STK17B: variants seen among roughly 807,000 people sequenced by gnomAD.
STK17B encodes the protein serine/threonine kinase 17b, also known as serine/threonine-protein kinase 17B.
In STK17B, 21 loss-of-function variants were observed where a neutral mutation model predicts 42.0. The observed-to-expected ratio is 0.50, with a 90% confidence interval of 0.35 to 0.72. STK17B has a LOEUF of 0.72. STK17B is among the 30% of genes least tolerant of loss of function. STK17B has a pLI of 0.00. For synonymous variants in STK17B, 143 were observed against 148.4 expected, an observed-to-expected ratio of 0.96 and a Z score of 0.26; for missense variants, 349 against 446.0, an observed-to-expected ratio of 0.78 and a Z score of 1.96.
intron 3 of STK17B, chr2:196,151,539 G>A (rs1699666471): frequency 6.6e-6 from 1 of 152,202 alleles, no homozygotes; most frequent in African/African-American, 2.4e-5. Context: ...CCAAAGGTAA[G>A]TATTTTTTAT....
intron 2 of STK17B, among the ~76,000 whole-genome samples, chr2:196,160,997 GAA>G (rs550007668): frequency 1.9e-4 from 29 of 152,142 alleles, no homozygotes; most frequent in Middle Eastern, 3.4e-3. Flanking sequence ...CCCCAATTTT[GAA>G]AAGTTAATTT....
At chr2:196,150,409 G>C (rs1269451271) in intron 3 of STK17B, among the ~76,000 whole-genome samples, 1 of 152,114 alleles carries the variant, frequency 6.6e-6, no homozygotes, top group Non-Finnish European at 1.5e-5. Context: ...GTGAGAATAC[G>C]TGATAAGAGT....
At chr2:196,160,472 G>A (rs972722320) in intron 2 of STK17B, among the ~76,000 whole-genome samples, 2 of 152,146 alleles carry the variant, frequency 1.3e-5, no homozygotes, top group Admixed American at 6.5e-5. Context: ...AAAGGAAAAT[G>A]AATTATTAAA....
At chr2:196,150,179 TAAAAAA>T (rs143244008) in intron 3 of STK17B, among the ~76,000 whole-genome samples, 2 of 113,510 alleles carry the variant, frequency 1.8e-5, no homozygotes, top group Admixed American at 8.8e-5. Context: ...GAGCAGTGAC[TAAAAAA>T]AAAAAAAAAA....
Position 196,137,687 on chromosome 2 carries a change from T to C in STK17B, c.879A>G (p.Leu293=). The part of the protein sequence containing the change: ...TAEICLSHSW[L]QQWDFENLFH... Reference sequence around the variant, plus strand: ...ACAAGTTTTCAAAGTCCCACTGCTGTAGCCAAGAATGAGAAAGGCATATCT... The same window carrying C: ...ACAAGTTTTCAAAGTCCCACTGCTGCAGCCAAGAATGAGAAAGGCATATCT... The change falls in exon 8 of 8, where the codon CTA becomes CTG. Residue 293 remains leucine, a synonymous_variant. Transcript: ENST00000263955. The C allele has an allele frequency of 6.2e-7, 1 of 1,614,068 alleles. No homozygotes were observed. The highest frequency in any genetic ancestry group is 8.5e-7 in the Non-Finnish European group (1 of 1,179,976).
chr2:196,145,396 T>C (rs1038367270), intron 4 of STK17B, among the ~76,000 whole-genome samples: 2 of 151,980 alleles, frequency 1.3e-5, no homozygotes, highest in South Asian at 4.1e-4. Context: ...GGAGAAAGGA[T>C]AACAACATGA....
intron 1 of STK17B, among the ~76,000 whole-genome samples, chr2:196,168,040 G>A (rs2105716034): frequency 6.6e-6 from 1 of 152,164 alleles, no homozygotes; most frequent in Admixed American, 6.5e-5. Flanking sequence ...AGATGGAAAT[G>A]ATGATGATTT....
At chr2:196,146,504 C>CA (rs34266627) in intron 3 of STK17B, among the ~76,000 whole-genome samples, 2,585 of 150,066 alleles carry the variant, frequency 0.017, 31 homozygotes, top group Middle Eastern at 0.034. Flanking sequence ...ACTCCGTCCC[C>CA]AAAAAAAAGA....
intron 3 of STK17B, among the ~76,000 whole-genome samples, chr2:196,148,374 C>T (rs937176078): frequency 5.9e-5 from 9 of 152,162 alleles, no homozygotes; most frequent in South Asian, 2.1e-4. Flanking sequence ...TGATACAAAT[C>T]GTCTCAAAAC....
intron 3 of STK17B, among the ~76,000 whole-genome samples, chr2:196,147,734 A>AT (rs200152797): frequency 0.67 from 97,321 of 145,258 alleles, 32,767 homozygotes; most frequent in Non-Finnish European, 0.74. Flanking sequence ...GAGACATAAT[A>AT]TATTTTTTTT....
rs1348546526 is a variant in STK17B, at chr2:196,137,625, T to G, written c.941A>C (p.Gln314Pro). Residue 314 changes from glutamine (Q) to proline (P), a missense_variant, in exon 8 of 8, where the codon CAG becomes CCG. Coordinates refer to ENST00000263955, the MANE Select transcript of STK17B (RefSeq NM_004226.4). Reference protein sequence around the residue: ...PEETSSSSQTQDHSVRSSEDK... With the variant: ...PEETSSSSQTPDHSVRSSEDK... ...TTCAGAGGACCTTACAGAATGATCC[T>G]GAGTTTGAGAGGAACTGGAAGTTTC... is the stretch of plus-strand genomic sequence containing the variant. 1 of 1,614,118 alleles carries G rather than the reference T, an allele frequency of 6.2e-7. No homozygotes were observed. The highest frequency in any genetic ancestry group is 1.1e-5 in the South Asian group (1 of 91,086).
Position 196,141,254 on chromosome 2 carries a change from A to C in STK17B, c.651T>G (p.Asp217Glu), listed in dbSNP as rs539135098. 1 of 1,605,832 alleles carries C rather than the reference A, an allele frequency of 6.2e-7. No individual in the cohort carries two copies. Among genetic ancestry groups the C allele is most frequent in the African/African-American group, 1.3e-5 (1 of 74,928 alleles). The change falls in exon 6 of 8, where the codon GAT becomes GAG. Residue 217 changes from aspartate (D) to glutamate (E), a missense_variant. By Grantham distance (45) the Asp-to-Glu change is conservative. Around this residue, in one of 3 missense-constraint regions of STK17B, gnomAD observed 256 missense variants for 347.7 expected, o/e 0.74. Transcript: ENST00000263955. ...GGTAACTAACAACATCTTACCACAT[A>C]TCTGTTGCTGTGGTAATGGGATCAT... ...LNYDPITTAT[D>E]MWNIGIIAYM...
chr2:196,157,042 G>A (rs1349826724), intron 2 of STK17B, among the ~76,000 whole-genome samples: 1 of 151,754 alleles, frequency 6.6e-6, no homozygotes, highest in African/African-American at 2.4e-5. Context: ...GCGCATGCCT[G>A]TAATCCCAGC....
chr2:196,151,957 T>C (rs1398054835), intron 3 of STK17B, among the ~76,000 whole-genome samples: 1 of 152,164 alleles, frequency 6.6e-6, no homozygotes, highest in Non-Finnish European at 1.5e-5. Context: ...TTGCAAGAAT[T>C]TGAGATTAAT....
chr2:196,152,806 G>A (rs905162013), intron 3 of STK17B, among the ~76,000 whole-genome samples: 1 of 152,152 alleles, frequency 6.6e-6, no homozygotes, highest in African/African-American at 2.4e-5. Context: ...TATAAAGAAT[G>A]AGCCAGAATG....
chr2:196,171,797 A>G (rs866891437), upstream of STK17B, among the ~76,000 whole-genome samples: 1 of 84,690 alleles, frequency 1.2e-5, no homozygotes, highest in Non-Finnish European at 2.4e-5. Context: ...GTGGCGGCGC[A>G]GGTGGGGCGC....
At position 196,156,646 on chromosome 2, in the gene STK17B, T is replaced by C. The variant is rs1345451941; in HGVS notation, c.128A>G (p.Lys43Arg). The change falls in exon 3 of 8, where the codon AAA becomes AGA. Residue 43 changes from lysine (K) to arginine (R), a missense_variant. Around this residue, in one of 3 missense-constraint regions of STK17B, gnomAD observed 256 missense variants for 347.7 expected, o/e 0.74. Coordinates refer to ENST00000263955, the MANE Select transcript of STK17B (RefSeq NM_004226.4). ...ILTSKELGRG[K>R]FAVVRQCISK... ...TATACATTGTCTAACCACAGCAAAT[T>C]TTCCTCTGGGGGAAGATGAGAACAA... 1 of 1,610,764 alleles carries C rather than the reference T, an allele frequency of 6.2e-7. No homozygotes were observed. The highest frequency in any genetic ancestry group is 1.3e-5 in the African/African-American group (1 of 74,682).
intron 1 of STK17B, among the ~76,000 whole-genome samples, chr2:196,169,391 T>C (rs1401200968): frequency 6.6e-6 from 1 of 152,188 alleles, no homozygotes; most frequent in Non-Finnish European, 1.5e-5. Flanking sequence ...CTGCCAATCT[T>C]ACATACAGAA....
intron 1 of STK17B, chr2:196,165,711 G>A (rs1310226585): frequency 6.6e-6 from 1 of 152,218 alleles, no homozygotes; most frequent in African/African-American, 2.4e-5. Flanking sequence ...AAGTATGGAT[G>A]ATAAAAGAAT....
Sources: allele counts gnomAD v4.1 joint callset (sites outside exome capture counted in the v4.1 genomes callset), GRCh38; gene constraint gnomAD v4.1.1; regional missense constraint gnomAD v4.1.1; transcripts MANE v1.5; gene names NCBI Gene and HGNC (gene_info 2026-07-23, HGNC 2026-07-21).